The following RXRA variants were observed in gnomAD, a reference collection of about 807,000 sequenced individuals.
The protein encoded by RXRA is retinoid X receptor alpha.
Under a neutral mutation model 44.5 loss-of-function variants are expected in RXRA, and 5 were observed. That is an observed-to-expected ratio of 0.11 (90% CI 0.06 to 0.24). RXRA has a LOEUF of 0.24. Ranked by LOEUF, RXRA falls within the 10% of genes least tolerant of loss-of-function variation. RXRA has a pLI of 1.00. For missense variants in RXRA, 412 were observed against 646.5 expected, an observed-to-expected ratio of 0.64 and a Z score of 3.93; for synonymous variants, 291 against 271.4, an observed-to-expected ratio of 1.07 and a Z score of -0.71.
At chr9:134,364,611 C>T (rs1830391999) in intron 1 of RXRA, among the ~76,000 whole-genome samples, 1 of 152,210 alleles carries the variant, frequency 6.6e-6, no homozygotes, top group Non-Finnish European at 1.5e-5. Flanking sequence ...TGCAGACCCT[C>T]TGGGCCACTT....
At chr9:134,403,412 C>G (rs1384546620) in intron 2 of RXRA, 1 of 152,314 alleles carries the variant, frequency 6.6e-6, no homozygotes, top group Non-Finnish European at 1.5e-5. Context: ...CACACCAGCC[C>G]TGCCCCTGCT....
chr9:134,376,046 CTATT>C, intron 1 of RXRA, among the ~76,000 whole-genome samples: 1 of 150,958 alleles, frequency 6.6e-6, no homozygotes, highest in African/African-American at 2.4e-5. Context: ...ACAAGCCTTG[CTATT>C]TATTAATTTT....
At chr9:134,339,047 T>C (rs779055203) in intron 1 of RXRA, among the ~76,000 whole-genome samples, 1 of 152,236 alleles carries the variant, frequency 6.6e-6, no homozygotes, top group African/African-American at 2.4e-5. Flanking sequence ...CCTGGGGACT[T>C]GGAGCCGGAC....
At chr9:134,344,607 C>G (rs1554748506) in intron 1 of RXRA, among the ~76,000 whole-genome samples, 3 of 152,188 alleles carry the variant, frequency 2.0e-5, no homozygotes, top group Admixed American at 1.3e-4. Flanking sequence ...CCCTCTCCTC[C>G]CCACCTCCCG....
chr9:134,415,132 G>T (rs1564291555), intron 4 of RXRA, among the ~76,000 whole-genome samples: 1 of 152,246 alleles, frequency 6.6e-6, no homozygotes, highest in Non-Finnish European at 1.5e-5. Context: ...TGAAGCTGGG[G>T]ATGGGCCTCC....
intron 4 of RXRA, among the ~76,000 whole-genome samples, chr9:134,413,372 T>A (rs1831181345): frequency 6.6e-6 from 1 of 150,940 alleles, no homozygotes; most frequent in African/African-American, 2.4e-5. Flanking sequence ...TGTGTGTATG[T>A]CTGCATGGTT....
At chr9:134,427,106 G>A (rs533557729) in intron 6 of RXRA, 2 of 984,778 alleles carry the variant, frequency 2.0e-6, no homozygotes, top group East Asian at 2.3e-4. Context: ...GTCAGATTGA[G>A]GGGGCCTCTT....
rs955694122 is a variant in RXRA at position 134,425,526 on chromosome 9, C to T, written c.911-3582C>T. 82 of 973,868 alleles carry T rather than the reference C, an allele frequency of 8.4e-5. No homozygotes were observed. In the African/African-American group the frequency reaches 1.2e-3, roughly 14 times the overall value. The allele number at this position is 973,868 out of a possible 1,614,324, so 60.3% of individuals were successfully genotyped here. A position where few individuals can be genotyped will look rare whatever the true frequency, so the allele number is the denominator to read the frequency against. Reference sequence around the variant, plus strand: ...TCTGAGGGCCTGGGTTGCACAGGCACCTCCTGCGTGGCGGCAGGGTGGGGG... The same window carrying T: ...TCTGAGGGCCTGGGTTGCACAGGCATCTCCTGCGTGGCGGCAGGGTGGGGG... On this transcript the variant is annotated intron_variant, in intron 6 of 9. Transcript: ENST00000481739.
At chr9:134,394,623 G>A (rs1830851535) in intron 1 of RXRA, among the ~76,000 whole-genome samples, 1 of 152,194 alleles carries the variant, frequency 6.6e-6, no homozygotes, top group South Asian at 2.1e-4. Flanking sequence ...ATCCCCTGCG[G>A]ACTGAGCTGC....
chr9:134,408,482 C>T (rs141353981), intron 3 of RXRA, among the ~76,000 whole-genome samples, 183 bp downstream of exon 3: 1,673 of 152,298 alleles, frequency 0.011, 31 homozygotes, highest in African/African-American at 0.038. Flanking sequence ...AGGGTTCTCA[C>T]GTCTGTGGGA....
At chr9:134,378,930 C>T (rs1228282240) in intron 1 of RXRA, among the ~76,000 whole-genome samples, 2 of 152,230 alleles carry the variant, frequency 1.3e-5, no homozygotes, top group Non-Finnish European at 2.9e-5. Flanking sequence ...CCTGCTTCAT[C>T]CTGTGCCCGG....
rs372548367 is a variant in RXRA, at chr9:134,366,550, C to T, written c.29-35082C>T. Among the ~76,000 whole-genome samples the T allele has an allele frequency of 5.3e-5, 8 of 152,132 alleles. No homozygotes were observed. The highest frequency in any genetic ancestry group is 1.2e-4 in the African/African-American group (5 of 41,440). ...CCGTGCCATGGGCCTCCAGGTCCCC[C>T]GGGTGCTGGCCTGGGGACAGCACCA... is the stretch of plus-strand genomic sequence containing the variant. On this transcript the variant is annotated intron_variant, in intron 1 of 9. Transcript: ENST00000481739. This position sits in a 1 kb window ranked among gnomAD's most constrained non-coding sequence, Gnocchi z 5.9.
At chr9:134,409,800 G>A (rs945959859) in intron 4 of RXRA, among the ~76,000 whole-genome samples, 1 of 152,212 alleles carries the variant, frequency 6.6e-6, no homozygotes, top group Non-Finnish European at 1.5e-5. Context: ...GTTTGGGGGT[G>A]TGCCTCAGTT....
In RXRA at chr9:134,356,261, G is replaced by T. The variant is rs563205482; in HGVS notation, c.28+29602G>T. On this transcript the variant is annotated intron_variant, in intron 1 of 9. Coordinates refer to ENST00000481739, the MANE Select transcript of RXRA (RefSeq NM_002957.6). The stretch of plus-strand genomic sequence containing the variant: ...CAGGCTCTCGTAGGTGACTCTCCCT[G>T]GGGGAGTTCTGGGGCCTTGGGTAGG... Among the ~76,000 whole-genome samples, 3 of 152,312 alleles carry T rather than the reference G, an allele frequency of 2.0e-5. No homozygotes were observed. In the South Asian group the frequency reaches 6.2e-4, roughly 32 times the overall value.
At chr9:134,424,344 G>T in intron 6 of RXRA, 4 of 985,416 alleles carry the variant, frequency 4.1e-6, no homozygotes, top group Non-Finnish European at 3.6e-6. Context: ...CTGCCCAGCG[G>T]CTCTTTCCGG....
chr9:134,434,315 A>C, intron 9 of RXRA, 108 bp downstream of exon 9: 1 of 770,608 alleles, frequency 1.3e-6, no homozygotes, highest in Non-Finnish European at 2.1e-6. Context: ...CACCCTCCCC[A>C]GGCCCAGCCC....
At chr9:134,424,783 G>C (rs1188515702) in intron 6 of RXRA, 1 of 985,364 alleles carries the variant, frequency 1.0e-6, no homozygotes, top group South Asian at 4.7e-5. Context: ...GAAGGACTCT[G>C]TCCCCCTCCA....
intron 1 of RXRA, among the ~76,000 whole-genome samples, chr9:134,331,673 G>A (rs1286095181): frequency 1.3e-5 from 2 of 152,360 alleles, no homozygotes; most frequent in Middle Eastern, 3.4e-3. Context: ...TTTATTTTTG[G>A]GACCTTGTGG....
At chr9:134,403,046 TG>T in intron 2 of RXRA, 1 of 152,074 alleles carries the variant, frequency 6.6e-6, no homozygotes, top group Non-Finnish European at 1.5e-5. Flanking sequence ...AGGGATTGCA[TG>T]TGAGGGGGCC....
Sources: gnomAD v4.1 joint callset for allele counts (sites outside exome capture counted in the v4.1 genomes callset) on GRCh38, gnomAD v4.1.1 for gene constraint, Gnocchi (gnomAD v3.1) non-coding constraint, MANE v1.5 for transcripts, NCBI Gene and HGNC (gene_info 2026-07-23, HGNC 2026-07-21) for gene names.